HS6ST3: variants seen among roughly 807,000 people sequenced by gnomAD.
HS6ST3 encodes heparan sulfate 6-O-sulfotransferase 3.
A neutral mutation model predicts 36.7 loss-of-function variants in HS6ST3; 12 were observed. The observed-to-expected ratio is 0.33, with a 90% CI of 0.21 to 0.53. HS6ST3 has a LOEUF of 0.53. HS6ST3 is among the 20% of genes least tolerant of loss of function. The pLI is 0.95. For synonymous variants in HS6ST3, 240 were observed against 257.5 expected (o/e 0.93, Z 0.65); for missense variants, 584 against 640.9 (o/e 0.91, Z 0.96).
At chr13:96,501,482 T>G (rs2056004158) in intron 1 of HS6ST3, among the ~76,000 whole-genome samples, 1 of 152,212 alleles carries the variant, frequency 6.6e-6, no homozygotes, top group African/African-American at 2.4e-5. Context: ...TATGTAGCTG[T>G]GCTGTGTCCT....
At chr13:96,621,984 C>T (rs1035597524) in intron 1 of HS6ST3, among the ~76,000 whole-genome samples, 4 of 125,814 alleles carry the variant, frequency 3.2e-5, no homozygotes, top group Admixed American at 8.4e-5. Context: ...AGGCTCAAAG[C>T]AAAGCAGGGC....
intron 1 of HS6ST3, among the ~76,000 whole-genome samples, chr13:96,362,371 G>T (rs1381904066): frequency 6.6e-6 from 1 of 152,120 alleles, no homozygotes; most frequent in East Asian, 1.9e-4. Flanking sequence ...TGTATTCATT[G>T]GGTTATTTTT....
At chr13:96,729,745 C>T (rs1230047003) in intron 1 of HS6ST3, among the ~76,000 whole-genome samples, 9 of 152,104 alleles carry the variant, frequency 5.9e-5, no homozygotes, top group South Asian at 2.1e-4. Flanking sequence ...AGATTACAGG[C>T]GTGAGCAACC....
rs182283861 is a variant in HS6ST3 at position 96,586,543 on chromosome 13, G to A, written c.708-245947G>A. 1.2e-4 allele frequency among the ~76,000 whole-genome samples: 19 copies of A among 152,060 alleles called. No individual in the cohort carries two copies. In the East Asian group the frequency reaches 2.7e-3, roughly 22 times the overall value. The stretch of plus-strand genomic sequence containing the variant: ...ACTCTTGACCTCAGATGATCTGCCC[G>A]CCTCAGCCTCCCAAAGTGCTATGAT... On this transcript the variant is annotated intron_variant, in intron 1 of 1. Coordinates refer to ENST00000376705, the MANE Select transcript of HS6ST3 (RefSeq NM_153456.4).
chr13:96,306,701 C>T (rs2054915723), intron 1 of HS6ST3, among the ~76,000 whole-genome samples: 1 of 152,088 alleles, frequency 6.6e-6, no homozygotes, highest in Non-Finnish European at 1.5e-5. Context: ...TGTGCACGGC[C>T]TGTGTTCTTG....
At chr13:96,302,129 T>C (rs2054886459) in intron 1 of HS6ST3, among the ~76,000 whole-genome samples, 1 of 151,772 alleles carries the variant, frequency 6.6e-6, no homozygotes, top group South Asian at 2.1e-4. Context: ...AGGAAGCCTC[T>C]CAGGAGGGCA....
At chr13:96,483,204 A>G (rs928604533) in intron 1 of HS6ST3, among the ~76,000 whole-genome samples, 5 of 152,210 alleles carry the variant, frequency 3.3e-5, no homozygotes, top group African/African-American at 1.2e-4. Flanking sequence ...CAGATTTTGC[A>G]TGTATGACGG....
chr13:96,228,027 G>A (rs1716159881), intron 1 of HS6ST3, among the ~76,000 whole-genome samples: 1 of 152,130 alleles, frequency 6.6e-6, no homozygotes, highest in African/African-American at 2.4e-5. Context: ...GGAGAACTTA[G>A]TTCAGTTGAT....
intron 1 of HS6ST3, among the ~76,000 whole-genome samples, chr13:96,170,560 A>G (rs191414665): frequency 6.6e-6 from 1 of 152,356 alleles, no homozygotes; most frequent in Admixed American, 6.5e-5. Context: ...CAGAAGTTTA[A>G]AAATGGTGGG....
chr13:96,380,136 A>G (rs912520755), intron 1 of HS6ST3, among the ~76,000 whole-genome samples: 4 of 152,178 alleles, frequency 2.6e-5, no homozygotes, highest in Non-Finnish European at 5.9e-5. Flanking sequence ...TCTGCTTCAT[A>G]GAACATTCTG....
chr13:96,776,985 T>C (rs1162899164), intron 1 of HS6ST3, among the ~76,000 whole-genome samples: 1 of 152,224 alleles, frequency 6.6e-6, no homozygotes, highest in Non-Finnish European at 1.5e-5. Context: ...TCAAAAAGCT[T>C]ATCCACCACG....
intron 1 of HS6ST3, chr13:96,169,893 G>A (rs762785429): frequency 1.3e-5 from 2 of 152,208 alleles, no homozygotes; most frequent in African/African-American, 4.8e-5. Flanking sequence ...ACAGTGAGGG[G>A]CTACAGATGT....
intron 1 of HS6ST3, among the ~76,000 whole-genome samples, chr13:96,097,538 G>A (rs1020965146): frequency 3.9e-5 from 6 of 152,066 alleles, no homozygotes; most frequent in African/African-American, 9.7e-5. Context: ...TTTTGAGTTC[G>A]TTAGATTGTG....
At chr13:96,482,407 G>A (rs186641905) in intron 1 of HS6ST3, among the ~76,000 whole-genome samples, 15 of 151,608 alleles carry the variant, frequency 9.9e-5, no homozygotes, top group Middle Eastern at 3.4e-3. Context: ...CTGCTCATAT[G>A]ACAATAATTT....
At chr13:96,186,565 G>A (rs972755576) in intron 1 of HS6ST3, among the ~76,000 whole-genome samples, 7 of 152,212 alleles carry the variant, frequency 4.6e-5, no homozygotes, top group East Asian at 1.9e-4. Context: ...ACCTTTGTGT[G>A]TGGGTGTAAA....
chr13:96,161,860 A>G (rs917442657), intron 1 of HS6ST3, among the ~76,000 whole-genome samples: 27 of 152,362 alleles, frequency 1.8e-4, no homozygotes, highest in Middle Eastern at 6.8e-3. Context: ...CCATCATGAA[A>G]GAGATCACCA....
At chr13:96,489,036 C>T (rs2055931343) in intron 1 of HS6ST3, among the ~76,000 whole-genome samples, 1 of 151,954 alleles carries the variant, frequency 6.6e-6, no homozygotes, top group African/African-American at 2.4e-5. Flanking sequence ...ATACATGTGA[C>T]ACTCAGAAAT....
At chr13:96,095,298 T>A (rs911706855) in intron 1 of HS6ST3, among the ~76,000 whole-genome samples, 1 of 152,240 alleles carries the variant, frequency 6.6e-6, no homozygotes, top group Non-Finnish European at 1.5e-5. Context: ...TAGCCTAGGC[T>A]TCATCTCTGG....
At chr13:96,129,978 C>A (rs144585327) in intron 1 of HS6ST3, among the ~76,000 whole-genome samples, 22 of 152,228 alleles carry the variant, frequency 1.4e-4, no homozygotes, top group Non-Finnish European at 2.4e-4. Context: ...GTCATGCCAG[C>A]CCTAGGAAAC....
Sources: allele counts gnomAD v4.1 joint callset (sites outside exome capture counted in the v4.1 genomes callset), GRCh38; gene constraint gnomAD v4.1.1; transcripts MANE v1.5; gene names NCBI Gene and HGNC (gene_info 2026-07-23, HGNC 2026-07-21).